Variants in SORCS1 observed in about 807,000 individuals in gnomAD.
The protein encoded by SORCS1 is VPS10 domain-containing receptor SorCS1.
SORCS1 carries 60 observed loss-of-function variants against 146.1 expected under a neutral mutation model. The observed-to-expected ratio is 0.41, with a 90% confidence interval of 0.33 to 0.51. SORCS1 has a LOEUF of 0.51. Ranked by LOEUF, SORCS1 falls within the 20% of genes least tolerant of loss-of-function variation. SORCS1 has a pLI of 0.21. For synonymous variants in SORCS1, 637 were observed against 584.0 expected (o/e 1.09, Z -1.31); for missense variants, 1,352 against 1,487.6 (o/e 0.91, Z 1.50).
chr10:106,887,697 C>A (rs1951053648), intron 2 of SORCS1, among the ~76,000 whole-genome samples: 1 of 151,962 alleles, frequency 6.6e-6, no homozygotes, highest in South Asian at 2.1e-4. Flanking sequence ...AAAACATACT[C>A]CTGCACTGAC....
intron 24 of SORCS1, among the ~76,000 whole-genome samples, chr10:106,581,318 T>TACACACACAC (rs201071933): frequency 8.0e-6 from 1 of 125,662 alleles, no homozygotes; most frequent in Non-Finnish European, 1.6e-5. Context: ...TGAATCGTCA[T>TACACACACAC]ACATACACAC....
intron 18 of SORCS1, among the ~76,000 whole-genome samples, chr10:106,651,034 T>C (rs941523512): frequency 2.6e-5 from 4 of 152,300 alleles, no homozygotes; most frequent in East Asian, 1.9e-4. Context: ...CCTGTGTTTT[T>C]CTAGTTCCAA....
chr10:106,757,233 A>G (rs1164640182), intron 5 of SORCS1, among the ~76,000 whole-genome samples: 1 of 152,172 alleles, frequency 6.6e-6, no homozygotes, highest in African/African-American at 2.4e-5. Flanking sequence ...ATGTTAGGTG[A>G]TGAGGAAAAA....
chr10:106,734,361 G>A (rs1856806589), intron 5 of SORCS1, among the ~76,000 whole-genome samples: 1 of 152,174 alleles, frequency 6.6e-6, no homozygotes. Context: ...AGGCTTCTCA[G>A]TGGGGGTGCC....
intron 2 of SORCS1, among the ~76,000 whole-genome samples, chr10:106,905,483 C>A (rs1411315565): frequency 1.8e-4 from 27 of 152,044 alleles, no homozygotes; most frequent in Non-Finnish European, 2.5e-4. Flanking sequence ...ATTCTTGTCC[C>A]ATAATTAGAA....
intron 24 of SORCS1, among the ~76,000 whole-genome samples, chr10:106,588,448 G>A (rs569363706): frequency 1.7e-4 from 26 of 152,192 alleles, no homozygotes; most frequent in Admixed American, 2.6e-4. Flanking sequence ...GGAGATAGTC[G>A]TTCACCTTTC....
intron 18 of SORCS1, among the ~76,000 whole-genome samples, chr10:106,651,104 T>A (rs1183503122): frequency 6.6e-6 from 1 of 152,102 alleles, no homozygotes; most frequent in African/African-American, 2.4e-5. Context: ...GAGGCACACA[T>A]CAAGGAGATA....
At chr10:107,151,038 CTTTGGAA>C (rs1339606254) in intron 1 of SORCS1, among the ~76,000 whole-genome samples, 4 of 152,136 alleles carry the variant, frequency 2.6e-5, no homozygotes. Context: ...GTGGAAACAA[CTTTGGAA>C]CTGGGTAGCA....
intron 18 of SORCS1, among the ~76,000 whole-genome samples, chr10:106,647,685 A>C (rs2133730286): frequency 6.6e-6 from 1 of 152,332 alleles, no homozygotes; most frequent in East Asian, 1.9e-4. Context: ...AAAGAGCTTT[A>C]TTCAAGATAA....
At chr10:107,134,410 G>A (rs916348909) in intron 1 of SORCS1, among the ~76,000 whole-genome samples, 16 of 152,150 alleles carry the variant, frequency 1.1e-4, no homozygotes, top group African/African-American at 7.2e-5. Flanking sequence ...AGGCCAAGGC[G>A]GATGGATCAC....
chr10:107,140,600 C>T lies in SORCS1; in HGVS notation c.558+23369G>A, dbSNP rs11193213. Among the ~76,000 whole-genome samples, 162 of 152,238 alleles carry T rather than the reference C, an allele frequency of 1.1e-3. 1 individual carries two copies. Among genetic ancestry groups the T allele is most frequent in the Admixed American group, 1.7e-3 (26 of 15,298 alleles). On this transcript the variant is annotated intron_variant, in intron 1 of 25. Coordinates refer to ENST00000263054, the MANE Select transcript of SORCS1 (RefSeq NM_052918.5). ...GTAGAAAATTCTTACATTATGAAGG[C>T]CAGCTGTCTTACCAACCATTGTGAT...
intron 2 of SORCS1, among the ~76,000 whole-genome samples, chr10:106,938,413 A>T (rs1233863495): frequency 6.6e-6 from 1 of 152,262 alleles, no homozygotes; most frequent in African/African-American, 2.4e-5. Flanking sequence ...GATGGGGAAC[A>T]TGGATGACTT....
intron 2 of SORCS1, among the ~76,000 whole-genome samples, chr10:106,940,853 C>T (rs902126221): frequency 6.6e-6 from 1 of 152,174 alleles, no homozygotes; most frequent in African/African-American, 2.4e-5. Flanking sequence ...CATTGCACTC[C>T]AGCCTGGGCA....
intron 1 of SORCS1, among the ~76,000 whole-genome samples, chr10:107,012,759 T>C (rs1957743387): frequency 6.6e-6 from 1 of 152,226 alleles, no homozygotes; most frequent in South Asian, 2.1e-4. Flanking sequence ...CCTCCATCAC[T>C]TTCTTAATCC....
At chr10:107,004,175 C>CAAAAAAAA (rs1190654041) in intron 1 of SORCS1, among the ~76,000 whole-genome samples, 1 of 49,570 alleles carries the variant, frequency 2.0e-5, no homozygotes, top group Non-Finnish European at 3.6e-5. Flanking sequence ...GATCCCATCT[C>CAAAAAAAA]AAAAAAAAAA....
At chr10:106,603,165 C>T (rs1055998109) in intron 23 of SORCS1, among the ~76,000 whole-genome samples, 4 of 152,242 alleles carry the variant, frequency 2.6e-5, no homozygotes, top group South Asian at 4.1e-4. Context: ...TTCCTCCCTA[C>T]AGGAGAGACA....
At chr10:106,978,403 A>C (rs1242488440) in intron 1 of SORCS1, among the ~76,000 whole-genome samples, 1 of 152,206 alleles carries the variant, frequency 6.6e-6, no homozygotes, top group Admixed American at 6.5e-5. Flanking sequence ...AAACGATTAT[A>C]GATTTTTGAG....
intron 1 of SORCS1, among the ~76,000 whole-genome samples, chr10:107,002,121 T>C (rs1459535981): frequency 6.6e-6 from 1 of 152,126 alleles, no homozygotes; most frequent in Non-Finnish European, 1.5e-5. Context: ...CCTGAGCAAA[T>C]TAAAAATCAT....
intron 1 of SORCS1, among the ~76,000 whole-genome samples, chr10:107,156,837 C>T (rs995514191): frequency 7.2e-5 from 11 of 152,176 alleles, no homozygotes; most frequent in African/African-American, 2.4e-4. Flanking sequence ...CCTTCTACCC[C>T]AAGCCGCTAT....
Sources: gnomAD v4.1 joint callset for allele counts (sites outside exome capture counted in the v4.1 genomes callset) on GRCh38, gnomAD v4.1.1 for gene constraint, MANE v1.5 for transcripts, NCBI Gene and HGNC (gene_info 2026-07-23, HGNC 2026-07-21) for gene names.